ADRA1B: variants seen among roughly 807,000 people sequenced by gnomAD.
ADRA1B encodes the protein alpha-1B adrenergic receptor.
In ADRA1B, 17 loss-of-function variants were observed where a neutral mutation model predicts 17.9. That is an observed-to-expected ratio of 0.95 (90% CI 0.65 to 1.42). The LOEUF (loss-of-function observed/expected upper bound fraction) is 1.42, where lower values mean the gene tolerates loss of function less well. Ranked by LOEUF, ADRA1B falls within the 40% of genes most tolerant of loss-of-function variation. The pLI is 0.00. For synonymous variants in ADRA1B, 366 were observed against 327.6 expected (o/e 1.12, Z -1.27); for missense variants, 681 against 722.1 (o/e 0.94, Z 0.65).
chr5:159,974,046 ATTCAT>A (rs1436875900), downstream of ADRA1B, among the ~76,000 whole-genome samples: 8 of 152,284 alleles, frequency 5.3e-5, no homozygotes, highest in East Asian at 1.4e-3. Context: ...CACATCGATC[ATTCAT>A]TCTGTAGGTG....
chr5:159,894,746 C>A (rs1754023873), intron 1 of ADRA1B, among the ~76,000 whole-genome samples: 1 of 152,206 alleles, frequency 6.6e-6, no homozygotes, highest in Non-Finnish European at 1.5e-5. Context: ...GGGCCACTCA[C>A]TATGCAGGGC....
intron 1 of ADRA1B, among the ~76,000 whole-genome samples, chr5:159,969,798 G>GA (rs1755835687): frequency 6.6e-6 from 1 of 152,050 alleles, no homozygotes; most frequent in Non-Finnish European, 1.5e-5. Context: ...TATACAAGAG[G>GA]AAAAATCTGA....
chr5:159,985,878 G>T, the ADRA1B span, among the ~76,000 whole-genome samples: 1 of 152,190 alleles, frequency 6.6e-6, no homozygotes, highest in Non-Finnish European at 1.5e-5. Context: ...GTTCCGTCTA[G>T]CCCTTGAGGC....
intron 1 of ADRA1B, among the ~76,000 whole-genome samples, chr5:159,881,269 G>C (rs1285314452): frequency 1.3e-5 from 2 of 150,726 alleles, no homozygotes; most frequent in Non-Finnish European, 3.0e-5. Flanking sequence ...AGATTACAGG[G>C]TCTTGTGGAA....
chr5:159,965,101 A>G (rs1755750600), intron 1 of ADRA1B, among the ~76,000 whole-genome samples: 1 of 151,838 alleles, frequency 6.6e-6, no homozygotes, highest in South Asian at 2.1e-4. Flanking sequence ...TAACCACTAA[A>G]CTCCACTGCC....
intron 1 of ADRA1B, chr5:159,947,584 G>A (rs1227333867): frequency 4.5e-6 from 2 of 446,582 alleles, no homozygotes; most frequent in Non-Finnish European, 5.9e-6. Flanking sequence ...TTCTTTTAAT[G>A]GTTTCCCTTT....
intron 1 of ADRA1B, among the ~76,000 whole-genome samples, chr5:159,867,597 A>G (rs967623803): frequency 2.0e-5 from 3 of 152,172 alleles, no homozygotes; most frequent in African/African-American, 2.4e-5. Flanking sequence ...TGGGCTTGTC[A>G]AGGGGTTTTT....
At chr5:159,917,963 G>A (rs904660251) in intron 1 of ADRA1B, 109 bp downstream of exon 1, 22 of 969,156 alleles carry the variant, frequency 2.3e-5, no homozygotes, top group South Asian at 1.3e-4. Flanking sequence ...CAGTCTGTGC[G>A]TGTTCGGAGA....
chr5:159,970,016 A>G (rs1439618140), intron 1 of ADRA1B, among the ~76,000 whole-genome samples: 5 of 152,308 alleles, frequency 3.3e-5, no homozygotes, highest in Non-Finnish European at 5.9e-5. Context: ...GACCTGGGGC[A>G]AGTCATTTAA....
chr5:159,923,448 G>C (rs1402023), intron 1 of ADRA1B, among the ~76,000 whole-genome samples: 1 of 152,018 alleles, frequency 6.6e-6, no homozygotes, highest in Non-Finnish European at 1.5e-5. Flanking sequence ...ACCTGGGGAT[G>C]GGTTGGTGAC....
intron 1 of ADRA1B, chr5:159,867,175 C>A (rs140627655): frequency 6.6e-6 from 1 of 152,160 alleles, no homozygotes; most frequent in African/African-American, 2.4e-5. Flanking sequence ...CCCTCAAAAT[C>A]CTTGAAATCT....
chr5:159,985,211 G>T, the ADRA1B span, among the ~76,000 whole-genome samples: 1 of 152,108 alleles, frequency 6.6e-6, no homozygotes, highest in African/African-American at 2.4e-5. Context: ...CCTAAAAGAG[G>T]CCCTGATTAC....
Position 159,972,051 on chromosome 5 carries a change from ACGCCGCCGC to A in ADRA1B, c.1128_1136del (p.Arg378_Arg380del). On this transcript the variant is annotated inframe_deletion, in exon 2 of 2. Transcript: ENST00000306675. ...AGTGCCGCGGCCGCGGCCGCCGCCGACGCCGCCGCCGCCGTCGCCTGGGCGGCTGCGCCT... is the reference window on the plus strand; with the variant it reads ...AGTGCCGCGGCCGCGGCCGCCGCCGACGCCGTCGCCTGGGCGGCTGCGCCT... 1.5e-6 allele frequency: 2 copies of A among 1,348,958 alleles called. No homozygotes were observed. Among genetic ancestry groups the A allele is most frequent in the Non-Finnish European group, 1.9e-6 (2 of 1,050,462 alleles). The allele number at this position is 1,348,958 out of a possible 1,614,324, so 83.6% of individuals were successfully genotyped here. A position where few individuals can be genotyped will look rare whatever the true frequency, so the allele number is the denominator to read the frequency against.
chr5:159,965,572 T>C (rs1755760309), intron 1 of ADRA1B, among the ~76,000 whole-genome samples: 1 of 152,208 alleles, frequency 6.6e-6, no homozygotes, highest in Non-Finnish European at 1.5e-5. Flanking sequence ...GCTTAGCATC[T>C]TGTTACTTAA....
downstream of ADRA1B, among the ~76,000 whole-genome samples, chr5:159,976,029 G>C (rs1197361547): frequency 6.6e-6 from 1 of 152,188 alleles, no homozygotes; most frequent in Non-Finnish European, 1.5e-5. Context: ...TAGTAGCTGT[G>C]TGACATTGGG....
intron 1 of ADRA1B, among the ~76,000 whole-genome samples, chr5:159,902,858 G>C (rs565603730): frequency 6.6e-6 from 1 of 152,316 alleles, no homozygotes; most frequent in East Asian, 1.9e-4. Flanking sequence ...TTGCTGGTGG[G>C]AGGTGAGAAT....
At chr5:159,957,321 T>C (rs1372166995) in intron 1 of ADRA1B, among the ~76,000 whole-genome samples, 2 of 151,714 alleles carry the variant, frequency 1.3e-5, no homozygotes, top group African/African-American at 4.8e-5. Context: ...TGGGGCAACA[T>C]GGTGAAACTC....
chr5:159,872,404 G>A (rs1753755591), intron 1 of ADRA1B, among the ~76,000 whole-genome samples: 1 of 152,184 alleles, frequency 6.6e-6, no homozygotes, highest in Non-Finnish European at 1.5e-5. Context: ...GCTACAGCTT[G>A]CAGAGATAAG....
intron 1 of ADRA1B, among the ~76,000 whole-genome samples, chr5:159,899,620 T>G (rs1338145000): frequency 6.6e-6 from 1 of 152,166 alleles, no homozygotes; most frequent in African/African-American, 2.4e-5. Flanking sequence ...TAGATTTTGA[T>G]GTAAATGGAT....
Sources: gnomAD v4.1 joint callset for allele counts (sites outside exome capture counted in the v4.1 genomes callset) on GRCh38, gnomAD v4.1.1 for gene constraint, MANE v1.5 for transcripts, NCBI Gene and HGNC (gene_info 2026-07-23, HGNC 2026-07-21) for gene names.